Variants in UGT1A5 observed in about 807,000 individuals in gnomAD.
UGT1A5 encodes UDP glucuronosyltransferase family 1 member A5.
In UGT1A5, 29 loss-of-function variants were observed where a neutral mutation model predicts 40.3. The observed-to-expected ratio is 0.72, with a 90% CI of 0.54 to 0.98. The LOEUF (loss-of-function observed/expected upper bound fraction) is 0.98, where lower values mean the gene tolerates loss of function less well. Ranked by LOEUF, UGT1A5 falls within the 50% of genes least tolerant of loss-of-function variation. The pLI is 0.00. For synonymous variants in UGT1A5, 257 were observed against 262.5 expected (o/e 0.98, Z 0.20); for missense variants, 678 against 677.9 (o/e 1.00, Z 0.00).
chr2:233,733,965 G>T (rs1401939828), intron 1 of UGT1A5, among the ~76,000 whole-genome samples: 1 of 152,058 alleles, frequency 6.6e-6, no homozygotes, highest in Non-Finnish European at 1.5e-5. Flanking sequence ...GTGGGGTAGG[G>T]GGAGCGGGGA....
intron 1 of UGT1A5, among the ~76,000 whole-genome samples, chr2:233,717,147 A>G (rs2076552240): frequency 6.6e-6 from 1 of 152,232 alleles, no homozygotes. Flanking sequence ...ACATGGAAAT[A>G]GAACATGGGA....
chr2:233,719,465 C>G (rs1204222582), intron 1 of UGT1A5: 1 of 1,613,994 alleles, frequency 6.2e-7, no homozygotes. Context: ...AGAACATGCT[C>G]TACCCTCTGG....
At position 233,713,405 on chromosome 2, in the gene UGT1A5, C is replaced by G. The variant is rs2076318550; in HGVS notation, c.414C>G (p.Ile138Met). 1.2e-6 allele frequency: 2 copies of G among 1,614,030 alleles called. No individual in the cohort carries two copies. Among genetic ancestry groups the G allele is most frequent in the South Asian group, 1.1e-5 (1 of 91,082 alleles). ...CVELLHNEALIRHLHATSFDV... is the reference protein window; with the variant it reads ...CVELLHNEALMRHLHATSFDV... ...AGCTACTGCATAATGAGGCCCTGATCAGGCACCTGCATGCTACTTCCTTTG... is the reference window on the plus strand; with the variant it reads ...AGCTACTGCATAATGAGGCCCTGATGAGGCACCTGCATGCTACTTCCTTTG... The change falls in exon 1 of 5, where the codon ATC (isoleucine) becomes ATG (methionine). Residue 138 changes from isoleucine (I) to methionine (M), a missense_variant. Coordinates refer to ENST00000373414, the MANE Select transcript of UGT1A5 (RefSeq NM_019078.2).
intron 1 of UGT1A5, chr2:233,718,007 C>T (rs2076621733): frequency 2.5e-6 from 1 of 406,536 alleles, no homozygotes; most frequent in Admixed American, 2.7e-5. Context: ...GATCTGAGGC[C>T]AGGCTCCAGC....
At chr2:233,735,337 C>CT (rs939538517) in intron 1 of UGT1A5, among the ~76,000 whole-genome samples, 10 of 150,780 alleles carry the variant, frequency 6.6e-5, no homozygotes, top group South Asian at 2.1e-4. Context: ...GCAACCCCTG[C>CT]TTTTTTTTTG....
At chr2:233,717,723 G>T in intron 1 of UGT1A5, 1 of 455,670 alleles carries the variant, frequency 2.2e-6, no homozygotes. Context: ...ATGGGCATGA[G>T]ACCATTGTGA....
chr2:233,747,864 C>G, intron 1 of UGT1A5: 2 of 1,613,576 alleles, frequency 1.2e-6, no homozygotes, highest in South Asian at 2.2e-5. Context: ...GCTCTACCCT[C>G]TGGCCCTGTC....
intron 1 of UGT1A5, among the ~76,000 whole-genome samples, chr2:233,720,694 G>A (rs1379635884): frequency 6.6e-6 from 1 of 151,632 alleles, no homozygotes; most frequent in Non-Finnish European, 1.5e-5. Flanking sequence ...AATCCATTAA[G>A]GGAGCCATCC....
intron 1 of UGT1A5, among the ~76,000 whole-genome samples, chr2:233,735,030 C>T (rs1056371330): frequency 3.9e-5 from 6 of 152,186 alleles, no homozygotes; most frequent in African/African-American, 1.2e-4. Context: ...TCTATTAGGT[C>T]TGCTTGGTGC....
chr2:233,771,958 T>A (rs1232504862), intron 4 of UGT1A5, among the ~76,000 whole-genome samples: 1 of 152,108 alleles, frequency 6.6e-6, no homozygotes, highest in East Asian at 1.9e-4. Context: ...CTACAAAAAA[T>A]TTAAAAATTG....
At chr2:233,758,650 G>A (rs1202453447) in intron 1 of UGT1A5, among the ~76,000 whole-genome samples, 3 of 152,060 alleles carry the variant, frequency 2.0e-5, no homozygotes, top group Admixed American at 6.6e-5. Flanking sequence ...AAGAATGAGA[G>A]GGTACCCTAA....
intron 1 of UGT1A5, among the ~76,000 whole-genome samples, chr2:233,762,024 AT>A (rs967311965): frequency 2.6e-5 from 4 of 151,856 alleles, no homozygotes; most frequent in Non-Finnish European, 4.4e-5. Context: ...TTTGTATTTT[AT>A]TTTTTTTAAT....
intron 1 of UGT1A5, among the ~76,000 whole-genome samples, chr2:233,723,515 T>A (rs1475684057): frequency 9.4e-6 from 1 of 106,756 alleles, no homozygotes; most frequent in Admixed American, 9.1e-5. Flanking sequence ...TGGTCAACAA[T>A]CTTTTTTTTT....
At chr2:233,755,225 C>G (rs563873154) in intron 1 of UGT1A5, 4 of 974,952 alleles carry the variant, frequency 4.1e-6, no homozygotes, top group Non-Finnish European at 6.0e-6. Flanking sequence ...TACCCTCGGA[C>G]GAGGCCTACC....
At chr2:233,751,042 C>T (rs1694623923) in intron 1 of UGT1A5, among the ~76,000 whole-genome samples, 1 of 151,808 alleles carries the variant, frequency 6.6e-6, no homozygotes, top group South Asian at 2.1e-4. Flanking sequence ...CACTGTGTGC[C>T]TGGAAAAGAC....
At position 233,769,603 on chromosome 2, in the gene UGT1A5, G is replaced by T; in HGVS notation, c.1307+1164G>T. 1 of 1,612,818 alleles carries T rather than the reference G, an allele frequency of 6.2e-7. No individual in the cohort carries two copies. Among genetic ancestry groups the T allele is most frequent in the Non-Finnish European group, 8.5e-7 (1 of 1,179,870 alleles). On this transcript the variant is annotated intron_variant, in intron 4 of 4. Transcript: ENST00000373414. The surrounding 1 kb of genome is among the most constrained non-coding windows in gnomAD (Gnocchi z 4.4). Reference sequence around the variant, plus strand: ...CAGATGAGAGGAGACGGAACACGGGGACACACCAGCTTGAGCAAGGGACAA... The same window carrying T: ...CAGATGAGAGGAGACGGAACACGGGTACACACCAGCTTGAGCAAGGGACAA...
At chr2:233,740,026 G>A (rs1244657367) in intron 1 of UGT1A5, among the ~76,000 whole-genome samples, 1 of 151,782 alleles carries the variant, frequency 6.6e-6, no homozygotes, top group Non-Finnish European at 1.5e-5. Flanking sequence ...GAGAGCTGAT[G>A]GTTTTATAAG....
chr2:233,756,397 G>A (rs553407927), intron 1 of UGT1A5: 1 of 151,974 alleles, frequency 6.6e-6, no homozygotes, highest in South Asian at 2.1e-4. Flanking sequence ...TACAGTATTG[G>A]TTTTTTATTT....
chr2:233,728,104 A>G (rs1180093047), intron 1 of UGT1A5, among the ~76,000 whole-genome samples: 1 of 152,120 alleles, frequency 6.6e-6, no homozygotes, highest in Admixed American at 6.5e-5. Flanking sequence ...CACATATTTA[A>G]TTCTCCATCT....
Sources: gnomAD v4.1 joint callset for allele counts (sites outside exome capture counted in the v4.1 genomes callset) on GRCh38, gnomAD v4.1.1 for gene constraint, Gnocchi (gnomAD v3.1) non-coding constraint, MANE v1.5 for transcripts, NCBI Gene and HGNC (gene_info 2026-07-23, HGNC 2026-07-21) for gene names.